DDX24: variants seen among roughly 807,000 people sequenced by gnomAD.
DDX24 encodes ATP-dependent RNA helicase DDX24.
A neutral mutation model predicts 68.9 loss-of-function variants in DDX24; 24 were observed. The observed-to-expected ratio is 0.35, with a 90% CI of 0.25 to 0.49. DDX24 has a LOEUF of 0.49. Ranked by LOEUF, DDX24 falls within the 20% of genes least tolerant of loss-of-function variation. The pLI is 0.99. For synonymous variants in DDX24, 395 were observed against 385.2 expected, an observed-to-expected ratio of 1.03 and a Z score of -0.30; for missense variants, 989 against 1,039.0, an observed-to-expected ratio of 0.95 and a Z score of 0.66.
chr14:94,073,533 C>G (rs998127895), intron 2 of DDX24, among the ~76,000 whole-genome samples: 2 of 151,950 alleles, frequency 1.3e-5, no homozygotes, highest in Admixed American at 1.3e-4. Flanking sequence ...ATCAATAAAG[C>G]TGGACTGGCT....
Position 94,060,225 on chromosome 14 carries a change from T to C in DDX24, c.1786A>G (p.Ser596Gly), listed in dbSNP as rs1253252951. 6.2e-7 allele frequency: 1 copy of C among 1,614,208 alleles called. No individual in the cohort carries two copies. Among genetic ancestry groups the C allele is most frequent in the East Asian group, 2.2e-5 (1 of 44,880 alleles). ...YPGRSLVFAN[S>G]ISCIKRLSGL... is the part of the protein sequence containing the mutation. ...GAGAGGCGTTTGATGCAGGAGATAC[T>C]GTTGGCAAACACTAAGCTGCGGCCT... Residue 596 changes from serine (S) to glycine (G), a missense_variant, in exon 5 of 9, where the codon AGT becomes GGT. By Grantham distance (56) the Ser-to-Gly change is moderately conservative (BLOSUM62 0). Transcript: ENST00000621632.
At position 94,079,680 on chromosome 14, in the gene DDX24, C is replaced by T. The variant is rs1449265389; in HGVS notation, c.63G>A (p.Lys21=). ...KQSSCGKFQT[K]GIKVVGKWKE... ...TCCATTTTCCCACAACTTTGATTCC[C>T]TTTGTCTGAAATTTGCCACAGCTTG... The change falls in exon 2 of 9, where the codon AAG becomes AAA. Residue 21 remains lysine (K), a synonymous_variant. Transcript: ENST00000621632. 11 of 1,613,976 alleles carry T rather than the reference C, an allele frequency of 6.8e-6. No individual in the cohort carries two copies. The highest frequency in any genetic ancestry group is 5.3e-5 in the African/African-American group (4 of 74,908).
chr14:94,076,916 A>C (rs1293532618), intron 2 of DDX24, among the ~76,000 whole-genome samples: 4 of 152,208 alleles, frequency 2.6e-5, no homozygotes, highest in Non-Finnish European at 5.9e-5. Context: ...CTGAGACAGC[A>C]AGACCAACCC....
rs566964095 is a variant in DDX24 at position 94,072,953 on chromosome 14, A to T, written c.718+6072T>A. On this transcript the variant is annotated intron_variant, in intron 2 of 8. Transcript: ENST00000621632. Reference sequence around the variant, plus strand: ...AACATAGAAAAGGAAAAAAAAATTTAAAATAAAAAACAGAAATGTGAAAAA... The same window carrying T: ...AACATAGAAAAGGAAAAAAAAATTTTAAATAAAAAACAGAAATGTGAAAAA... Among the ~76,000 whole-genome samples, 665 of 151,904 alleles carry T rather than the reference A, an allele frequency of 4.4e-3. 2 individuals are homozygous for T. Among genetic ancestry groups the T allele is most frequent in the African/African-American group, 0.01 (424 of 41,480 alleles).
chr14:94,064,005 A>C (rs1297767771), intron 2 of DDX24, among the ~76,000 whole-genome samples: 1 of 152,244 alleles, frequency 6.6e-6, no homozygotes, highest in Non-Finnish European at 1.5e-5. Context: ...TAGAATCTCT[A>C]ACACATATGA....
rs1886017932 is a variant in DDX24, at chr14:94,079,607, C to T, written c.136G>A (p.Asp46Asn). ...PNMFADGQMD[D>N]LVCFEELTDY... ...GTCAATTCCTCAAAGCACACCAAGT[C>T]ATCCATCTGTCCATCTGCAAACATA... Residue 46 changes from aspartate to asparagine, a missense_variant, in exon 2 of 9, where the codon GAC (aspartate) becomes AAC (asparagine). Coordinates refer to ENST00000621632, the MANE Select transcript of DDX24 (RefSeq NM_020414.4). 1.2e-6 allele frequency: 2 copies of T among 1,614,188 alleles called. No homozygotes were observed. The highest frequency in any genetic ancestry group is 3.3e-4 in the Middle Eastern group (2 of 6,062).
chr14:94,068,173 T>A (rs1885745581), intron 2 of DDX24, among the ~76,000 whole-genome samples: 1 of 152,176 alleles, frequency 6.6e-6, no homozygotes, highest in Non-Finnish European at 1.5e-5. Flanking sequence ...AAAAAGGCAT[T>A]TAATGCAAAT....
At chr14:94,058,309 C>T (rs1048342969) in intron 5 of DDX24, among the ~76,000 whole-genome samples, 21 of 152,324 alleles carry the variant, frequency 1.4e-4, no homozygotes, top group African/African-American at 4.3e-4. Flanking sequence ...AGCCTTTGCA[C>T]TTGCTACTCC....
intron 2 of DDX24, among the ~76,000 whole-genome samples, chr14:94,063,239 A>G (rs1327815539): frequency 6.6e-6 from 1 of 152,346 alleles, no homozygotes; most frequent in South Asian, 2.1e-4. Context: ...TTTTCAAAGG[A>G]AATAAGCAGC....
Position 94,079,267 on chromosome 14 carries a change from C to A in DDX24, c.476G>T (p.Gly159Val). 1 of 1,614,078 alleles carries A rather than the reference C, an allele frequency of 6.2e-7. No individual in the cohort carries two copies. ...CTGAGAAGGCTCCAACCCTTTTTTC[C>A]CTTTATTTTTCTTCTTTTTTGGAGC... ...QTAPKKKKNK[G>V]KKGLEPSQST... The change falls in exon 2 of 9, where the codon GGG becomes GTG. Residue 159 changes from glycine (G) to valine (V), a missense_variant. Around this residue, in one of 3 missense-constraint regions of DDX24, gnomAD observed 295 missense variants for 263.0 expected, o/e 1.12. Transcript: ENST00000621632.
In DDX24 at chr14:94,060,535, G is replaced by A. The variant is rs759242792; in HGVS notation, c.1476C>T (p.Leu492=). Reference sequence around the variant, plus strand: ...TCTTTGGGTTGTATTGGGAGTCATTGAGCATCTCTAGCAGCTGTGAGAGCT... The same window carrying A: ...TCTTTGGGTTGTATTGGGAGTCATTAAGCATCTCTAGCAGCTGTGAGAGCT... ...FAELSQLLEM[L]NDSQYNPKRQ... Residue 492 remains leucine (L), a synonymous_variant, in exon 5 of 9, where the codon CTC becomes CTT. Transcript: ENST00000621632. 68 of 1,614,048 alleles carry A rather than the reference G, an allele frequency of 4.2e-5. No individual in the cohort carries two copies. Among genetic ancestry groups the A allele is most frequent in the Non-Finnish European group, 5.5e-5 (65 of 1,180,052 alleles).
At chr14:94,080,896 A>ACCGAGAAG (rs1212030035) in intron 1 of DDX24, among the ~76,000 whole-genome samples, 4 of 151,910 alleles carry the variant, frequency 2.6e-5, no homozygotes, top group Admixed American at 2.6e-4. Flanking sequence ...AAACCGAGAA[A>ACCGAGAAG]CCGAGAAGCC....
intron 2 of DDX24, among the ~76,000 whole-genome samples, chr14:94,065,512 G>C (rs4905151): frequency 0.54 from 81,377 of 152,006 alleles, 23,805 homozygotes; most frequent in African/African-American, 0.79. Flanking sequence ...AGACAGGAGG[G>C]AGGACTAGAT....
intron 2 of DDX24, among the ~76,000 whole-genome samples, chr14:94,069,331 G>C (rs1271633882): frequency 6.6e-6 from 1 of 152,008 alleles, no homozygotes; most frequent in Admixed American, 6.5e-5. Context: ...GAGATACCCT[G>C]AACAGACCAA....
At chr14:94,072,387 CA>C (rs1348922130) in intron 2 of DDX24, among the ~76,000 whole-genome samples, 1 of 152,154 alleles carries the variant, frequency 6.6e-6, no homozygotes, top group Admixed American at 6.5e-5. Context: ...CACTGATATG[CA>C]GGACTAAGTT....
intron 2 of DDX24, among the ~76,000 whole-genome samples, chr14:94,069,759 A>AT (rs1885791030): frequency 6.6e-6 from 1 of 152,226 alleles, no homozygotes; most frequent in African/African-American, 2.4e-5. Flanking sequence ...AAAAACCAAA[A>AT]TCACATGATC....
At chr14:94,059,101 C>T (rs8003508) in intron 5 of DDX24, among the ~76,000 whole-genome samples, 20,035 of 152,288 alleles carry the variant, frequency 0.13, 1,912 homozygotes, top group African/African-American at 0.27. Context: ...AGATTTGGCA[C>T]GAGGCCTATA....
Position 94,055,081 on chromosome 14 carries a change from T to C in DDX24, c.2093A>G (p.Asn698Ser). ...LMLIGPEDVI[N>S]FKKIYKTLKK... ...GAGCGTTTTGTAAATCTTCTTAAAG[T>C]TGATCACATCCTCAGGCCCAATGAG... Residue 698 changes from asparagine (N) to serine (S), a missense_variant, in exon 7 of 9, where the codon AAC becomes AGC. Transcript: ENST00000621632. 3.7e-6 allele frequency: 6 copies of C among 1,614,232 alleles called. No homozygotes were observed. The highest frequency in any genetic ancestry group is 4.5e-5 in the East Asian group (2 of 44,888).
intron 2 of DDX24, among the ~76,000 whole-genome samples, chr14:94,075,397 T>C (rs753947207): frequency 1.4e-4 from 21 of 152,100 alleles, no homozygotes; most frequent in Non-Finnish European, 2.8e-4. Flanking sequence ...GTCAACTCAG[T>C]GGAGAAAGAA....
Sources: allele counts gnomAD v4.1 joint callset (sites outside exome capture counted in the v4.1 genomes callset), GRCh38; gene constraint gnomAD v4.1.1; regional missense constraint gnomAD v4.1.1; transcripts MANE v1.5; gene names NCBI Gene and HGNC (gene_info 2026-07-23, HGNC 2026-07-21).